SUZ12: variants seen among roughly 807,000 people sequenced by gnomAD.
SUZ12 encodes the protein polycomb protein SUZ12.
In SUZ12, 17 loss-of-function variants were observed where a neutral mutation model predicts 87.3. That is an observed-to-expected ratio of 0.19 (90% CI 0.13 to 0.29). The LOEUF (loss-of-function observed/expected upper bound fraction) is 0.29, where lower values mean the gene tolerates loss of function less well. Among genes scored for constraint, SUZ12 ranks in the 10% least tolerant of loss-of-function variants. The pLI is 1.00. For missense variants in SUZ12, 526 were observed against 912.2 expected (o/e 0.58, Z 5.45); for synonymous variants, 253 against 312.4 (o/e 0.81, Z 2.01).
Position 31,999,820 on chromosome 17 carries a change from C to T in SUZ12, c.*817C>T, listed in dbSNP as rs1598194903. Reference sequence around the variant, plus strand: ...TTAGATAATCACACGGAAAATTAAGCTGTTCATATCTTTAAATTAGGATTG... The same window carrying T: ...TTAGATAATCACACGGAAAATTAAGTTGTTCATATCTTTAAATTAGGATTG... On this transcript the variant is annotated 3_prime_UTR_variant, in exon 16 of 16. Transcript: ENST00000322652. 4.3e-6 allele frequency: 1 copy of T among 231,668 alleles called. No homozygotes were observed. Among genetic ancestry groups the T allele is most frequent in the African/African-American group, 2.2e-5 (1 of 45,054 alleles). The allele number at this position is 231,668 out of a possible 1,614,324, so 14.4% of individuals were successfully genotyped here. A position where few individuals can be genotyped will look rare whatever the true frequency, so the allele number is the denominator to read the frequency against.
intron 5 of SUZ12, among the ~76,000 whole-genome samples, chr17:31,971,239 T>C (rs1908408496): frequency 6.6e-6 from 1 of 152,118 alleles, no homozygotes; most frequent in Non-Finnish European, 1.5e-5. Context: ...TTTTTATCCT[T>C]TTGGCCACAA....
intron 15 of SUZ12, 71 bp from the exon 16 acceptor site, chr17:31,998,587 T>C (rs1191259903): frequency 1.1e-5 from 12 of 1,072,068 alleles, no homozygotes; most frequent in South Asian, 2.0e-5. Flanking sequence ...AGTCTTATTA[T>C]AATGGTTATC....
chr17:31,966,441 G>A (rs111316845), intron 5 of SUZ12: 15 of 379,908 alleles, frequency 3.9e-5, no homozygotes, highest in Non-Finnish European at 4.8e-5. Context: ...TCCACCTCCC[G>A]GGTTCAAGCG....
rs546775355 is a variant in SUZ12, at chr17:31,994,589, A to G, written c.1463A>G (p.Asp488Gly). ...YVYHPKGARIDVSINECYDGS... is the reference protein window; with the variant it reads ...YVYHPKGARIGVSINECYDGS... ...TATCATCCAAAAGGTGCTAGGATAG[A>G]TGTTTCTATCAATGAGTGTTATGAT... is the stretch of plus-strand genomic sequence containing the variant. The change falls in exon 13 of 16, where the codon GAT (aspartate) becomes GGT (glycine). Residue 488 changes from aspartate (D) to glycine (G), a missense_variant. Around this residue, in one of 9 missense-constraint regions of SUZ12, gnomAD observed 143 missense variants for 321.6 expected, o/e 0.44. Coordinates refer to ENST00000322652, the MANE Select transcript of SUZ12 (RefSeq NM_015355.4). 2 of 1,613,378 alleles carry G rather than the reference A, an allele frequency of 1.2e-6. No individual in the cohort carries two copies. Among genetic ancestry groups the G allele is most frequent in the East Asian group, 2.2e-5 (1 of 44,840 alleles).
At chr17:31,977,419 A>G (rs1908823916) in intron 8 of SUZ12, among the ~76,000 whole-genome samples, 1 of 151,968 alleles carries the variant, frequency 6.6e-6, no homozygotes, top group South Asian at 2.1e-4. Context: ...AGCTGGGACT[A>G]CAGGTGCGTG....
chr17:31,994,379 G>A (rs1407933890), intron 12 of SUZ12, 185 bp from the exon 13 acceptor site: 1 of 481,724 alleles, frequency 2.1e-6, no homozygotes, highest in Admixed American at 3.9e-5. Context: ...AGCAATAAAT[G>A]ACATAGTTAA....
intron 8 of SUZ12, among the ~76,000 whole-genome samples, chr17:31,980,597 C>A (rs560601): frequency 0.099 from 15,060 of 151,714 alleles, 1,031 homozygotes; most frequent in Middle Eastern, 0.15. Flanking sequence ...TTAAGGCATG[C>A]GCCACCATGC....
At chr17:31,944,637 T>A (rs1906510185) in intron 3 of SUZ12, among the ~76,000 whole-genome samples, 2 of 152,100 alleles carry the variant, frequency 1.3e-5, no homozygotes, top group African/African-American at 4.8e-5. Flanking sequence ...GAAGCAAATT[T>A]AAGTCCCACC....
chr17:31,938,904 C>G (rs969295473), intron 1 of SUZ12, among the ~76,000 whole-genome samples: 1 of 152,074 alleles, frequency 6.6e-6, no homozygotes, highest in African/African-American at 2.4e-5. Context: ...TAAAACAACT[C>G]GAAGTTGTTT....
intron 9 of SUZ12, among the ~76,000 whole-genome samples, chr17:31,986,879 C>G (rs193200924): frequency 2.1e-4 from 32 of 152,212 alleles, no homozygotes; most frequent in African/African-American, 7.7e-4. Context: ...AAGAGGATTA[C>G]TTTGTAATAA....
intron 4 of SUZ12, among the ~76,000 whole-genome samples, chr17:31,954,786 G>A (rs1907207453): frequency 6.6e-6 from 1 of 152,052 alleles, no homozygotes; most frequent in Non-Finnish European, 1.5e-5. Flanking sequence ...TGGGGTGGGA[G>A]GATGAACAAA....
intron 8 of SUZ12, among the ~76,000 whole-genome samples, chr17:31,981,300 AAG>A (rs1214684115): frequency 6.6e-6 from 1 of 152,210 alleles, no homozygotes; most frequent in Non-Finnish European, 1.5e-5. Flanking sequence ...AAGAAACAAT[AAG>A]AAGTTTACCA....
intron 8 of SUZ12, among the ~76,000 whole-genome samples, chr17:31,979,461 C>CAT (rs1908968962): frequency 6.6e-6 from 1 of 152,156 alleles, no homozygotes; most frequent in Admixed American, 6.5e-5. Context: ...AGCTAGATGT[C>CAT]ATAGTTCTTC....
chr17:31,983,240 G>T lies in SUZ12; in HGVS notation c.1023+136G>T, dbSNP rs530599980. On this transcript the variant is annotated intron_variant, in intron 9 of 15. Coordinates refer to ENST00000322652, the MANE Select transcript of SUZ12 (RefSeq NM_015355.4). The stretch of plus-strand genomic sequence containing the variant: ...TATACTTTAAAAAACACAAGTAAAT[G>T]ATCTAGTCAGAGCATTTAACGGAAG... The T allele has an allele frequency of 2.0e-4, 138 of 679,472 alleles. No individual in the cohort carries two copies. In the Middle Eastern group the frequency reaches 2.7e-3, roughly 13 times the overall value. 42.1% of individuals were successfully genotyped at this position (679,472 alleles called of 1,614,324 possible). A position where few individuals can be genotyped will look rare whatever the true frequency, so the allele number is the denominator to read the frequency against.
chr17:31,988,717 C>T (rs1185462437), intron 10 of SUZ12, among the ~76,000 whole-genome samples: 1 of 151,504 alleles, frequency 6.6e-6, no homozygotes, highest in Non-Finnish European at 1.5e-5. Context: ...CTCAGCCTCC[C>T]GAGTAGCTGT....
intron 4 of SUZ12, among the ~76,000 whole-genome samples, chr17:31,962,435 T>C (rs76566484): frequency 0.1 from 15,274 of 146,564 alleles, no homozygotes; most frequent in South Asian, 0.2. Context: ...CACAAACATG[T>C]AAAAATTAGC....
chr17:31,996,036 C>T (rs1232425448), intron 14 of SUZ12, among the ~76,000 whole-genome samples: 3 of 152,028 alleles, frequency 2.0e-5, no homozygotes, highest in Non-Finnish European at 4.4e-5. Flanking sequence ...TGGTGAAACC[C>T]GGTCTCTACT....
intron 8 of SUZ12, among the ~76,000 whole-genome samples, chr17:31,979,887 G>A (rs1482831448): frequency 3.3e-5 from 5 of 152,096 alleles, no homozygotes; most frequent in African/African-American, 1.2e-4. Flanking sequence ...TCCTTTGGCA[G>A]TTGGAAAATG....
At chr17:31,962,971 T>C (rs1288650479) in intron 4 of SUZ12, among the ~76,000 whole-genome samples, 12 of 152,260 alleles carry the variant, frequency 7.9e-5, no homozygotes, top group African/African-American at 2.2e-4. Flanking sequence ...CTTTCACTTA[T>C]GTTTTGGGTT....
Sources: allele counts gnomAD v4.1 joint callset (sites outside exome capture counted in the v4.1 genomes callset), GRCh38; gene constraint gnomAD v4.1.1; regional missense constraint gnomAD v4.1.1; transcripts MANE v1.5; gene names NCBI Gene and HGNC (gene_info 2026-07-23, HGNC 2026-07-21).